The following PTPRD variants were observed in gnomAD, a reference collection of about 807,000 sequenced individuals.
PTPRD encodes the protein receptor-type tyrosine-protein phosphatase delta.
A neutral mutation model predicts 214.5 loss-of-function variants in PTPRD; 34 were observed. The ratio of observed to expected loss-of-function variants is 0.16; its 90% confidence interval spans 0.12 to 0.21. PTPRD has a LOEUF of 0.21. Among genes scored for constraint, PTPRD ranks in the 10% least tolerant of loss-of-function variants. The probability of loss-of-function intolerance (pLI) is 1.00; values close to 1 mark genes in which losing one functional copy is unlikely to be tolerated. For synonymous variants in PTPRD, 1,128 were observed against 845.7 expected (o/e 1.33, Z -5.79); for missense variants, 2,545 against 2,398.7 (o/e 1.06, Z -1.27).
chr9:8,503,748 T>TAC, intron 23 of PTPRD, among the ~76,000 whole-genome samples: 1 of 152,376 alleles, frequency 6.6e-6, no homozygotes, highest in East Asian at 1.9e-4. Flanking sequence ...CCACAGGTAC[T>TAC]ACACACAGAG....
intron 10 of PTPRD, among the ~76,000 whole-genome samples, chr9:9,156,428 T>A (rs1015850098): frequency 4.6e-5 from 7 of 151,306 alleles, no homozygotes; most frequent in Non-Finnish European, 8.8e-5. Flanking sequence ...CACCTTTTTA[T>A]AAATATATAA....
At chr9:8,350,652 C>G (rs1185381766) in intron 39 of PTPRD, among the ~76,000 whole-genome samples, 1 of 152,198 alleles carries the variant, frequency 6.6e-6, no homozygotes, top group East Asian at 1.9e-4. Flanking sequence ...ATTTGGGGTT[C>G]ACTACAAAAA....
Position 8,828,103 on chromosome 9 carries a change from G to A in PTPRD, c.-103-94157C>T, listed in dbSNP as rs139600067. Among the ~76,000 whole-genome samples the A allele has an allele frequency of 1.2e-3, 190 of 152,268 alleles. 1 individual carries two copies. Among genetic ancestry groups the A allele is most frequent in the African/African-American group, 4.2e-3 (175 of 41,560 alleles). ...TATACAATCCACAGATGAAGAGCTG[G>A]ATGCAATGATTATGAAGTACACAGA... On this transcript the variant is annotated intron_variant, in intron 11 of 45. Transcript: ENST00000381196.
At chr9:8,496,992 G>C (rs755491443) in intron 26 of PTPRD, among the ~76,000 whole-genome samples, 11 of 152,178 alleles carry the variant, frequency 7.2e-5, no homozygotes, top group Non-Finnish European at 1.3e-4. Flanking sequence ...ACAAGGCAGA[G>C]TTAGTAGCAG....
chr9:10,411,138 C>T (rs1287130709), intron 2 of PTPRD, among the ~76,000 whole-genome samples: 1 of 151,718 alleles, frequency 6.6e-6, no homozygotes, highest in Non-Finnish European at 1.5e-5. Context: ...AGTAGACTGC[C>T]ATGACAAAGA....
chr9:8,785,728 TA>T (rs2095921258), intron 11 of PTPRD, among the ~76,000 whole-genome samples: 1 of 152,114 alleles, frequency 6.6e-6, no homozygotes, highest in South Asian at 2.1e-4. Context: ...GGCCATTGAG[TA>T]AAAATATCTG....
chr9:10,075,238 A>AC (rs974259447), intron 3 of PTPRD, among the ~76,000 whole-genome samples: 7 of 151,972 alleles, frequency 4.6e-5, no homozygotes, highest in African/African-American at 1.4e-4. Flanking sequence ...TAAAAATGAG[A>AC]CCCCCCGAAG....
At chr9:9,687,779 C>T (rs2097191785) in intron 7 of PTPRD, among the ~76,000 whole-genome samples, 1 of 151,650 alleles carries the variant, frequency 6.6e-6, no homozygotes, top group African/African-American at 2.4e-5. Flanking sequence ...ATAAGTAGAC[C>T]TCCTTCAGGT....
At chr9:8,761,866 T>G (rs1401626365) in intron 11 of PTPRD, among the ~76,000 whole-genome samples, 1 of 152,180 alleles carries the variant, frequency 6.6e-6, no homozygotes, top group East Asian at 1.9e-4. Flanking sequence ...TAAATATATT[T>G]GCAAAGTGGC....
chr9:9,536,800 C>T (rs565262715), intron 8 of PTPRD, among the ~76,000 whole-genome samples: 2 of 152,150 alleles, frequency 1.3e-5, no homozygotes, highest in Admixed American at 1.3e-4. Flanking sequence ...TCTCATTTAA[C>T]TGGGAATCTG....
intron 5 of PTPRD, among the ~76,000 whole-genome samples, chr9:9,835,750 C>A (rs1422050445): frequency 6.6e-6 from 1 of 152,022 alleles, no homozygotes; most frequent in Non-Finnish European, 1.5e-5. Flanking sequence ...CACAGGACTC[C>A]ATCATAACAC....
Position 8,993,827 on chromosome 9 carries a change from G to A in PTPRD, c.-104+24870C>T, listed in dbSNP as rs1343304907. ...AAGCACCTGTTATTACACACTGGGG[G>A]ACCCGAAGAGTTATACAACAGCTCA... On this transcript the variant is annotated intron_variant, in intron 11 of 45. Coordinates refer to ENST00000381196, the MANE Select transcript of PTPRD (RefSeq NM_002839.4). Among the ~76,000 whole-genome samples, 4 of 152,016 alleles carry A rather than the reference G, an allele frequency of 2.6e-5. No homozygotes were observed. The East Asian group carries it at 5.8e-4, about 22-fold the overall frequency.
intron 3 of PTPRD, among the ~76,000 whole-genome samples, chr9:10,328,170 A>T (rs1028049317): frequency 6.6e-6 from 1 of 151,780 alleles, no homozygotes; most frequent in African/African-American, 2.4e-5. Context: ...CATTCTTTTT[A>T]TCAGTGATTT....
chr9:9,921,334 T>C (rs1324641732), intron 5 of PTPRD, among the ~76,000 whole-genome samples: 1 of 152,048 alleles, frequency 6.6e-6, no homozygotes, highest in Non-Finnish European at 1.5e-5. Context: ...AAAATAGAAA[T>C]CTCTTTTTGT....
At chr9:10,057,122 A>G (rs1055354171) in intron 3 of PTPRD, among the ~76,000 whole-genome samples, 5 of 152,134 alleles carry the variant, frequency 3.3e-5, no homozygotes, top group Non-Finnish European at 7.4e-5. Context: ...GGTTCTCCTA[A>G]ATTTTCCTGG....
intron 2 of PTPRD, among the ~76,000 whole-genome samples, chr9:10,611,019 A>G (rs1214577175): frequency 6.6e-6 from 1 of 152,306 alleles, no homozygotes; most frequent in African/African-American, 2.4e-5. Context: ...CAACAATTAA[A>G]TACAAGGAAG....
chr9:8,890,915 A>AAGAGGCCTTTTCAGTCAT (rs1383613652), intron 11 of PTPRD, among the ~76,000 whole-genome samples: 1 of 152,172 alleles, frequency 6.6e-6, no homozygotes, highest in African/African-American at 2.4e-5. Context: ...AAATGGGCAA[A>AAGAGGCCTTTTCAGTCAT]AGAGGCCTTT....
intron 2 of PTPRD, among the ~76,000 whole-genome samples, chr9:10,595,767 C>A (rs1487930874): frequency 6.6e-6 from 1 of 151,650 alleles, no homozygotes; most frequent in East Asian, 1.9e-4. Context: ...TAAGCTCTAA[C>A]ACTTTACTAG....
At chr9:8,533,633 A>T (rs1267358874) in intron 14 of PTPRD, among the ~76,000 whole-genome samples, 1 of 152,010 alleles carries the variant, frequency 6.6e-6, no homozygotes, top group East Asian at 1.9e-4. Flanking sequence ...AGTTTCAAAC[A>T]GTTCAGAGTG....
Sources: allele counts gnomAD v4.1 joint callset (sites outside exome capture counted in the v4.1 genomes callset), GRCh38; gene constraint gnomAD v4.1.1; transcripts MANE v1.5; gene names NCBI Gene and HGNC (gene_info 2026-07-23, HGNC 2026-07-21).